Variants in C1orf21 observed in about 807,000 individuals in gnomAD.
The protein encoded by C1orf21 is uncharacterized protein C1orf21.
A neutral mutation model predicts 18.7 loss-of-function variants in C1orf21; 3 were observed. That is an observed-to-expected ratio of 0.16 (90% CI 0.07 to 0.42). C1orf21 has a LOEUF of 0.42. C1orf21 is among the 10% of genes least tolerant of loss of function. The probability of loss-of-function intolerance (pLI) is 0.99; values close to 1 mark genes in which losing one functional copy is unlikely to be tolerated. For missense variants in C1orf21, 104 were observed against 143.6 expected (o/e 0.72, Z 1.41); for synonymous variants, 41 against 46.4 (o/e 0.88, Z 0.47).
chr1:184,406,662 A>G (rs934567518), intron 1 of C1orf21, among the ~76,000 whole-genome samples: 4 of 152,154 alleles, frequency 2.6e-5, no homozygotes, highest in African/African-American at 4.8e-5. Context: ...TGTCTGTTAC[A>G]TTGTGCTTTA....
chr1:184,610,802 C>T (rs908064489), intron 5 of C1orf21, among the ~76,000 whole-genome samples: 1 of 150,066 alleles, frequency 6.7e-6, no homozygotes, highest in Non-Finnish European at 1.5e-5. Flanking sequence ...GAGCCGAGAT[C>T]GCCCACTGCA....
At chr1:184,435,980 G>A (rs1211758796) in intron 1 of C1orf21, among the ~76,000 whole-genome samples, 1 of 152,206 alleles carries the variant, frequency 6.6e-6, no homozygotes, top group Non-Finnish European at 1.5e-5. Context: ...CGTTGCCATT[G>A]CTGTGGGGTC....
At chr1:184,588,292 G>GA (rs1659385895) in intron 3 of C1orf21, among the ~76,000 whole-genome samples, 1 of 152,134 alleles carries the variant, frequency 6.6e-6, no homozygotes, top group Non-Finnish European at 1.5e-5. Context: ...TATAAGTTTG[G>GA]AAAACTTATA....
chr1:184,513,829 G>A (rs1557991200), intron 3 of C1orf21, among the ~76,000 whole-genome samples: 1 of 152,228 alleles, frequency 6.6e-6, no homozygotes, highest in Non-Finnish European at 1.5e-5. Context: ...ATTACTAAAA[G>A]CTTGGTGTTA....
chr1:184,508,943 C>T (rs1018336904), intron 3 of C1orf21, among the ~76,000 whole-genome samples: 1 of 152,054 alleles, frequency 6.6e-6, no homozygotes, highest in Non-Finnish European at 1.5e-5. Flanking sequence ...ATGGATAAAT[C>T]GAAGACCTGA....
At chr1:184,598,511 G>T in intron 5 of C1orf21, 50 bp downstream of exon 5, 1 of 1,498,192 alleles carries the variant, frequency 6.7e-7, no homozygotes, top group South Asian at 1.2e-5. Flanking sequence ...GTATAGTAAT[G>T]GCTTCATATG....
intron 3 of C1orf21, among the ~76,000 whole-genome samples, chr1:184,519,146 T>C (rs1658270578): frequency 6.6e-6 from 1 of 152,166 alleles, no homozygotes; most frequent in African/African-American, 2.4e-5. Context: ...AATTTAAAGA[T>C]TGGGGTGTTG....
chr1:184,507,542 A>C lies in C1orf21; in HGVS notation c.95-46A>C, dbSNP rs777535868. ...ATTTTCTGACTGACACTTTTCTACT[A>C]TTGGGAAAAAAATTATAAAATGTGT... On this transcript the variant is annotated intron_variant, in intron 2 of 5. Transcript: ENST00000235307. The C allele has an allele frequency of 2.0e-6, 3 of 1,507,972 alleles. No homozygotes were observed. In the Admixed American group the frequency reaches 6.3e-5, roughly 31 times the overall value. 93.4% of individuals were successfully genotyped at this position (1,507,972 alleles called of 1,614,324 possible). A position where few individuals can be genotyped will look rare whatever the true frequency, so the allele number is the denominator to read the frequency against.
At chr1:184,465,035 T>C (rs1219537417) in intron 1 of C1orf21, among the ~76,000 whole-genome samples, 3 of 152,158 alleles carry the variant, frequency 2.0e-5, no homozygotes, top group Non-Finnish European at 4.4e-5. Context: ...CCTCCCAAAG[T>C]GTTGGGATTA....
chr1:184,571,988 A>C (rs1032113911), intron 3 of C1orf21, among the ~76,000 whole-genome samples: 1 of 152,220 alleles, frequency 6.6e-6, no homozygotes, highest in Admixed American at 6.5e-5. Context: ...GATAACAGCA[A>C]TAATAGTAAT....
At chr1:184,575,386 G>T (rs1317267231) in intron 3 of C1orf21, among the ~76,000 whole-genome samples, 1 of 152,038 alleles carries the variant, frequency 6.6e-6, no homozygotes, top group African/African-American at 2.4e-5. Context: ...AAGCCAAGAA[G>T]ATGAAGGGGT....
intron 3 of C1orf21, among the ~76,000 whole-genome samples, chr1:184,536,962 G>A (rs1036140664): frequency 7.9e-5 from 12 of 151,976 alleles, no homozygotes; most frequent in African/African-American, 2.7e-4. Context: ...TCCAAGTTTC[G>A]TTTTGCATCC....
intron 1 of C1orf21, among the ~76,000 whole-genome samples, chr1:184,471,873 T>C (rs192968448): frequency 6.6e-5 from 10 of 152,284 alleles, no homozygotes; most frequent in Admixed American, 3.3e-4. Context: ...ATGTGTTCTG[T>C]GATGCCAGCG....
intron 3 of C1orf21, among the ~76,000 whole-genome samples, chr1:184,532,882 C>T (rs75415360): frequency 0.012 from 1,870 of 152,232 alleles, 36 homozygotes; most frequent in African/African-American, 0.042. Context: ...TTGGCCAGGT[C>T]ACTTCATTTT....
At chr1:184,470,927 G>C (rs1306554532) in intron 1 of C1orf21, among the ~76,000 whole-genome samples, 2 of 151,908 alleles carry the variant, frequency 1.3e-5, no homozygotes, top group Non-Finnish European at 2.9e-5. Context: ...AGGAATATCT[G>C]CCATTGCCTT....
chr1:184,475,663 C>T lies in C1orf21; in HGVS notation c.-124-1723C>T, dbSNP rs1657559616. On this transcript the variant is annotated intron_variant, in intron 1 of 5. Coordinates refer to ENST00000235307, the MANE Select transcript of C1orf21 (RefSeq NM_030806.4). The stretch of plus-strand genomic sequence containing the variant: ...CTCCATAAGGCCCCTGAGCTCTATA[C>T]ACCAGTATGAATAGACCATCAAATA... 2.0e-5 allele frequency among the ~76,000 whole-genome samples: 3 copies of T among 151,804 alleles called. No homozygotes were observed. In the South Asian group the frequency reaches 6.2e-4, roughly 32 times the overall value.
At chr1:184,412,479 A>G (rs1656370518) in intron 1 of C1orf21, 1 of 152,260 alleles carries the variant, frequency 6.6e-6, no homozygotes, top group Non-Finnish European at 1.5e-5. Context: ...TGAAACCAGA[A>G]GAGTGTTAAT....
intron 1 of C1orf21, among the ~76,000 whole-genome samples, chr1:184,476,430 T>C (rs1657572087): frequency 6.6e-6 from 1 of 152,136 alleles, no homozygotes; most frequent in South Asian, 2.1e-4. Context: ...AAGAAACATT[T>C]ACAAGACTGG....
chr1:184,487,239 G>C (rs1657746218), intron 2 of C1orf21, among the ~76,000 whole-genome samples: 1 of 152,220 alleles, frequency 6.6e-6, no homozygotes, highest in Non-Finnish European at 1.5e-5. Context: ...TCTCCAGGCA[G>C]CCCCTACCTG....
Sources: gnomAD v4.1 joint callset for allele counts (sites outside exome capture counted in the v4.1 genomes callset) on GRCh38, gnomAD v4.1.1 for gene constraint, MANE v1.5 for transcripts, NCBI Gene and HGNC (gene_info 2026-07-23, HGNC 2026-07-21) for gene names.